TFAP2B: variants seen among roughly 807,000 people sequenced by gnomAD.
TFAP2B encodes transcription factor AP-2-beta.
In TFAP2B, 9 loss-of-function variants were observed where a neutral mutation model predicts 44.3. The ratio of observed to expected loss-of-function variants is 0.20; its 90% CI spans 0.12 to 0.35. The LOEUF is 0.35. Ranked by LOEUF, TFAP2B falls within the 10% of genes least tolerant of loss-of-function variation. The probability of loss-of-function intolerance (pLI) is 1.00; values close to 1 mark genes in which losing one functional copy is unlikely to be tolerated. For missense variants in TFAP2B, 509 were observed against 600.0 expected, an observed-to-expected ratio of 0.85 and a Z score of 1.59; for synonymous variants, 270 against 263.8, an observed-to-expected ratio of 1.02 and a Z score of -0.23.
At chr6:50,831,649 G>A (rs576676510) in intron 3 of TFAP2B, among the ~76,000 whole-genome samples, 1 of 131,994 alleles carries the variant, frequency 7.6e-6, no homozygotes, top group Non-Finnish European at 1.8e-5. Context: ...GTTCCATTAA[G>A]ATTAGAAATC....
chr6:50,821,830 C>A (rs1022286290), intron 1 of TFAP2B: 4 of 254,766 alleles, frequency 1.6e-5, no homozygotes, highest in Non-Finnish European at 3.1e-5. Context: ...GAAGGGGCGG[C>A]CGAGCAGTCT....
chr6:50,838,130 A>G, intron 5 of TFAP2B, 37 bp downstream of exon 5: 1 of 1,465,744 alleles, frequency 6.8e-7, no homozygotes, highest in Non-Finnish European at 9.6e-7. Context: ...GAAGTGGCTG[A>G]GCTTAACTGT....
Position 50,844,515 on chromosome 6 carries a change from G to C in TFAP2B, c.*1123G>C, listed in dbSNP as rs1308966354. On this transcript the variant is annotated 3_prime_UTR_variant, in exon 7 of 7. Coordinates refer to ENST00000393655, the MANE Select transcript of TFAP2B (RefSeq NM_003221.4). ...AAAGCCTGTGTGTCAGAATTCTGCA[G>C]GTGCACTTCTTTAAAGAAGCTCAAA... 6.6e-6 allele frequency: 1 copy of C among 152,604 alleles called. No homozygotes were observed. Among genetic ancestry groups the C allele is most frequent in the Non-Finnish European group, 1.5e-5 (1 of 68,036 alleles). 9.5% of individuals were successfully genotyped at this position (152,604 alleles called of 1,614,324 possible).
intron 3 of TFAP2B, among the ~76,000 whole-genome samples, chr6:50,835,548 T>C (rs766281122): frequency 6.6e-6 from 1 of 152,174 alleles, no homozygotes; most frequent in African/African-American, 2.4e-5. Flanking sequence ...GTGATGACCA[T>C]AGATCTGGGT....
chr6:50,843,532 A>G lies in TFAP2B; in HGVS notation c.*140A>G, dbSNP rs1762778475. 2.2e-6 allele frequency: 2 copies of G among 911,510 alleles called. No homozygotes were observed. The highest frequency in any genetic ancestry group is 3.1e-5 in the Admixed American group (1 of 32,402). 56.5% of individuals were successfully genotyped at this position (911,510 alleles called of 1,614,324 possible). ...ATACACATACAATCAAAATTTTAAA[A>G]AAAAAAGCTAAATAACTTAAAAAAA... is the stretch of plus-strand genomic sequence containing the variant. On this transcript the variant is annotated 3_prime_UTR_variant, in exon 7 of 7. Coordinates refer to ENST00000393655, the MANE Select transcript of TFAP2B (RefSeq NM_003221.4).
At chr6:50,818,818 C>T, upstream of TFAP2B, 1 of 1,394,490 alleles carries the variant, frequency 7.2e-7, no homozygotes, top group South Asian at 1.2e-5. Context: ...GGTGTGTATC[C>T]CCCATTTCCA....
intron 5 of TFAP2B, among the ~76,000 whole-genome samples, chr6:50,838,652 ATTATC>A (rs1045656119): frequency 3.3e-5 from 5 of 152,166 alleles, no homozygotes; most frequent in African/African-American, 1.2e-4. Context: ...GGAGTCAGGT[ATTATC>A]TTCAATGTAG....
chr6:50,822,300 T>C (rs1204830652), intron 1 of TFAP2B: 1 of 649,492 alleles, frequency 1.5e-6, no homozygotes, highest in Non-Finnish European at 2.4e-6. Flanking sequence ...GCTTGGTAAT[T>C]TAGCACCATA....
chr6:50,827,849 T>G (rs1264988244), intron 2 of TFAP2B, among the ~76,000 whole-genome samples: 1 of 152,180 alleles, frequency 6.6e-6, no homozygotes, highest in Non-Finnish European at 1.5e-5. Flanking sequence ...AAACTTTCCT[T>G]CTCTGGAATG....
chr6:50,832,368 C>G (rs1762525874), intron 3 of TFAP2B, among the ~76,000 whole-genome samples: 1 of 152,228 alleles, frequency 6.6e-6, no homozygotes, highest in African/African-American at 2.4e-5. Context: ...CTTCTAGACT[C>G]TGTCCCTATA....
At chr6:50,840,064 G>C in intron 5 of TFAP2B, 92 bp from the exon 6 acceptor site, 4 of 1,553,236 alleles carry the variant, frequency 2.6e-6, no homozygotes, top group South Asian at 1.1e-5. Context: ...GCCTTCTCTG[G>C]AAATACTAAC....
intron 6 of TFAP2B, among the ~76,000 whole-genome samples, chr6:50,842,300 T>G (rs1051110690): frequency 1.3e-5 from 2 of 152,234 alleles, no homozygotes; most frequent in African/African-American, 4.8e-5. Context: ...CACGCAGGAT[T>G]TCTAAGGCTG....
intron 2 of TFAP2B, among the ~76,000 whole-genome samples, chr6:50,827,974 C>T (rs1770574269): frequency 6.6e-6 from 1 of 152,084 alleles, no homozygotes; most frequent in South Asian, 2.1e-4. Context: ...AACAGGTGTG[C>T]TCCTTGCTGG....
upstream of TFAP2B, among the ~76,000 whole-genome samples, chr6:50,818,370 A>C (rs1047698104): frequency 6.6e-6 from 1 of 152,174 alleles, no homozygotes; most frequent in Non-Finnish European, 1.5e-5. Flanking sequence ...CTTCCGGAAC[A>C]TACATGAATA....
intron 1 of TFAP2B, among the ~76,000 whole-genome samples, chr6:50,820,254 G>A (rs1770302521): frequency 6.6e-6 from 1 of 152,208 alleles, no homozygotes; most frequent in African/African-American, 2.4e-5. Flanking sequence ...TCCGGATCGG[G>A]ACAGCTCCTG....
At position 50,844,043 on chromosome 6, in the gene TFAP2B, C is replaced by G. The variant is rs1405672195; in HGVS notation, c.*651C>G. The stretch of plus-strand genomic sequence containing the variant: ...AACTCACCGGGCCCGGCTCCCCGGC[C>G]GCTTGCATAATTAGGGAGGGCGAGG... On this transcript the variant is annotated 3_prime_UTR_variant, in exon 7 of 7. Transcript: ENST00000393655. 1 of 152,432 alleles carries G rather than the reference C, an allele frequency of 6.6e-6. No homozygotes were observed. The highest frequency in any genetic ancestry group is 1.5e-5 in the Non-Finnish European group (1 of 68,236). The allele number at this position is 152,432 out of a possible 1,614,324, so 9.4% of individuals were successfully genotyped here.
intron 4 of TFAP2B, 26 bp from the exon 5 acceptor site, chr6:50,837,949 C>T (rs370297103): frequency 2.6e-6 from 4 of 1,547,216 alleles, no homozygotes; most frequent in Non-Finnish European, 3.6e-6. Flanking sequence ...TAAGGTTAAT[C>T]AGAATGTTAA....
chr6:50,842,467 T>G (rs1482645780), intron 6 of TFAP2B, among the ~76,000 whole-genome samples: 1 of 152,220 alleles, frequency 6.6e-6, no homozygotes, highest in East Asian at 1.9e-4. Context: ...ACAAAGATTT[T>G]CAGTGCCCTA....
At chr6:50,821,991 A>ATTTT (rs60274376) in intron 1 of TFAP2B, 51 of 218,118 alleles carry the variant, frequency 2.3e-4, no homozygotes, top group South Asian at 7.5e-4. Flanking sequence ...GGCGGGTGTA[A>ATTTT]TTTTTTTTTT....
Sources: gnomAD v4.1 joint callset for allele counts (sites outside exome capture counted in the v4.1 genomes callset) on GRCh38, gnomAD v4.1.1 for gene constraint, MANE v1.5 for transcripts, NCBI Gene and HGNC (gene_info 2026-07-23, HGNC 2026-07-21) for gene names.